The following TUSC3 variants were observed in gnomAD, a reference collection of about 807,000 sequenced individuals.
TUSC3 encodes dolichyl-diphosphooligosaccharide--protein glycosyltransferase subunit TUSC3.
TUSC3 carries 45 observed loss-of-function variants against 44.8 expected under a neutral mutation model. The observed-to-expected ratio is 1.00, with a 90% CI of 0.79 to 1.29. The LOEUF (loss-of-function observed/expected upper bound fraction) is 1.29. TUSC3 is among the 50% of genes most tolerant of loss of function. The pLI is 0.00. For missense variants in TUSC3, 519 were observed against 437.9 expected, an observed-to-expected ratio of 1.19 and a Z score of -1.65; for synonymous variants, 212 against 152.9, an observed-to-expected ratio of 1.39 and a Z score of -2.85.
At chr8:15,776,686 A>G in the TUSC3 span, among the ~76,000 whole-genome samples, 4 of 152,152 alleles carry the variant, frequency 2.6e-5, no homozygotes, top group Non-Finnish European at 4.4e-5. Context: ...CCTATACTCA[A>G]TAATTGGCAG....
chr8:15,665,430 A>G (rs1280404595), intron 5 of TUSC3, among the ~76,000 whole-genome samples: 1 of 151,450 alleles, frequency 6.6e-6, no homozygotes, highest in Non-Finnish European at 1.5e-5. Context: ...AGTGTTGTGA[A>G]CACTTAGTCC....
chr8:15,743,503 A>T lies in TUSC3; in HGVS notation c.863-35A>T, dbSNP rs764447583. The T allele has an allele frequency of 3.1e-6, 5 of 1,608,804 alleles. No individual in the cohort carries two copies. In the African/African-American group the frequency reaches 5.3e-5, roughly 17 times the overall value. ...AGAAAAATTAATAGATTTTATTCAC[A>T]TCTATGTCTACGGCTTCCTTGACAA... On this transcript the variant is annotated intron_variant, in intron 7 of 10. Transcript: ENST00000503731.
chr8:15,429,770 T>C (rs1456411710), intron 1 of TUSC3, among the ~76,000 whole-genome samples: 1 of 151,560 alleles, frequency 6.6e-6, no homozygotes, highest in Admixed American at 6.6e-5. Flanking sequence ...AAGAATCAAA[T>C]AGATGCAATA....
intron 6 of TUSC3, among the ~76,000 whole-genome samples, chr8:15,682,400 T>A (rs1808464005): frequency 6.6e-6 from 1 of 152,196 alleles, no homozygotes; most frequent in Admixed American, 6.5e-5. Flanking sequence ...TGAATCGAAC[T>A]CTTTATCATT....
intron 1 of TUSC3, among the ~76,000 whole-genome samples, chr8:15,561,851 C>T (rs928753621): frequency 6.6e-6 from 1 of 152,136 alleles, no homozygotes; most frequent in African/African-American, 2.4e-5. Context: ...CAATGCCTCG[C>T]CCTGTTTCGG....
intron 2 of TUSC3, among the ~76,000 whole-genome samples, chr8:15,523,682 G>A (rs112627886): frequency 0.023 from 870 of 38,272 alleles, 64 homozygotes; most frequent in African/African-American, 0.063. Flanking sequence ...GTGTGTGTGT[G>A]TGTGTGTGTG....
At chr8:15,797,483 C>T in the TUSC3 span, among the ~76,000 whole-genome samples, 1 of 152,086 alleles carries the variant, frequency 6.6e-6, no homozygotes, top group Non-Finnish European at 1.5e-5. Flanking sequence ...TGCATTTTTT[C>T]AGGATTTATC....
At chr8:15,447,913 C>T (rs1274118394) in intron 1 of TUSC3, among the ~76,000 whole-genome samples, 1 of 151,112 alleles carries the variant, frequency 6.6e-6, no homozygotes, top group Admixed American at 6.6e-5. Flanking sequence ...TATAAAGTTA[C>T]ATTGTTCAAC....
At chr8:15,725,417 G>C (rs1214351187) in intron 6 of TUSC3, among the ~76,000 whole-genome samples, 1 of 152,102 alleles carries the variant, frequency 6.6e-6, no homozygotes, top group African/African-American at 2.4e-5. Flanking sequence ...ATATCAGGTT[G>C]GGTATATAAG....
intron 6 of TUSC3, among the ~76,000 whole-genome samples, chr8:15,704,422 G>T: frequency 6.6e-6 from 1 of 151,824 alleles, no homozygotes; most frequent in Admixed American, 6.6e-5. Flanking sequence ...ACTCTGTTAG[G>T]GACCTTGAAT....
At chr8:15,834,760 T>G in the TUSC3 span, among the ~76,000 whole-genome samples, 1 of 152,216 alleles carries the variant, frequency 6.6e-6, no homozygotes, top group Non-Finnish European at 1.5e-5. Context: ...CTTTAATGAT[T>G]AAGGTCATTT....
intron 2 of TUSC3, among the ~76,000 whole-genome samples, chr8:15,516,154 G>C (rs577211132): frequency 6.6e-6 from 1 of 152,174 alleles, no homozygotes; most frequent in Non-Finnish European, 1.5e-5. Context: ...AACTGAATTT[G>C]ACTCACCCTC....
chr8:15,768,019 C>G (rs1812375292), downstream of TUSC3, among the ~76,000 whole-genome samples: 1 of 152,154 alleles, frequency 6.6e-6, no homozygotes, highest in Non-Finnish European at 1.5e-5. Flanking sequence ...GCTTTCACAT[C>G]TTGCTGATAT....
In TUSC3 at chr8:15,716,668, A is replaced by G. The variant is rs28572644; in HGVS notation, c.799-13998A>G. On this transcript the variant is annotated intron_variant, in intron 6 of 10. Coordinates refer to ENST00000503731, the MANE Select transcript of TUSC3 (RefSeq NM_006765.4). ...AATATGTACTAACTACGAAATATCA[A>G]TATTTATTTGTTAAGAAACTTCATT... 8.5e-3 allele frequency among the ~76,000 whole-genome samples: 1,290 copies of G among 152,240 alleles called. 18 individuals carry two copies. The highest frequency in any genetic ancestry group is 0.029 in the African/African-American group (1,196 of 41,546).
At position 15,473,291 on chromosome 8, in the gene TUSC3, C is replaced by T. The variant is rs191510208; in HGVS notation, n.92-10095C>T. On this transcript the variant is annotated intron_variant and non_coding_transcript_variant, in intron 1 of 5. Coordinates refer to the TUSC3 transcript ENST00000503191. ...ATATGATTATTATAAGGGGTACAAC[C>T]TTGTGTGTTTACAACACTGCAACAA... is the stretch of plus-strand genomic sequence containing the variant. Among the ~76,000 whole-genome samples, 747 of 152,264 alleles carry T rather than the reference C, an allele frequency of 4.9e-3. 6 individuals are homozygous for T. The highest frequency in any genetic ancestry group is 0.017 in the African/African-American group (698 of 41,562).
At chr8:15,817,338 A>G in the TUSC3 span, among the ~76,000 whole-genome samples, 1 of 105,910 alleles carries the variant, frequency 9.4e-6, no homozygotes, top group African/African-American at 3.4e-5. Flanking sequence ...GAAGAAAGAA[A>G]TTAAGACTTG....
chr8:15,551,086 C>G (rs1171898703), intron 1 of TUSC3, among the ~76,000 whole-genome samples: 1 of 151,652 alleles, frequency 6.6e-6, no homozygotes, highest in African/African-American at 2.4e-5. Context: ...CAGCAGTTGT[C>G]CTCAAATGTA....
chr8:15,502,078 A>C (rs988488021), intron 2 of TUSC3, among the ~76,000 whole-genome samples: 3 of 152,130 alleles, frequency 2.0e-5, no homozygotes, highest in Non-Finnish European at 4.4e-5. Context: ...ATCACCATCT[A>C]TCTATTCAAT....
At chr8:15,622,466 G>T (rs901862507) in intron 1 of TUSC3, among the ~76,000 whole-genome samples, 1 of 151,996 alleles carries the variant, frequency 6.6e-6, no homozygotes, top group African/African-American at 2.4e-5. Flanking sequence ...CTACAGTGCT[G>T]TCTCCTCCCA....
Sources: gnomAD v4.1 joint callset for allele counts (sites outside exome capture counted in the v4.1 genomes callset) on GRCh38, gnomAD v4.1.1 for gene constraint, MANE v1.5 for transcripts, NCBI Gene and HGNC (gene_info 2026-07-23, HGNC 2026-07-21) for gene names.